DCDC2B: variants seen among roughly 807,000 people sequenced by gnomAD.
DCDC2B encodes doublecortin domain-containing protein 2B.
Under a neutral mutation model 38.9 loss-of-function variants are expected in DCDC2B, and 41 were observed. That is an observed-to-expected ratio of 1.05 (90% CI 0.82 to 1.37). The LOEUF (loss-of-function observed/expected upper bound fraction) is 1.37, where lower values mean the gene tolerates loss of function less well. DCDC2B is among the 40% of genes most tolerant of loss of function. The probability of loss-of-function intolerance (pLI) is 0.00; values close to 1 mark genes in which losing one functional copy is unlikely to be tolerated. For synonymous variants in DCDC2B, 181 were observed against 171.9 expected, an observed-to-expected ratio of 1.05 and a Z score of -0.41; for missense variants, 453 against 427.2, an observed-to-expected ratio of 1.06 and a Z score of -0.53.
chr1:32,215,170 A>G, intron 7 of DCDC2B: 1 of 621,996 alleles, frequency 1.6e-6, no homozygotes, highest in South Asian at 2.3e-5. Context: ...CCCCGTCTGT[A>G]TATCCTGTCC....
At chr1:32,213,873 C>A (rs1462587368) in intron 6 of DCDC2B, among the ~76,000 whole-genome samples, 2 of 151,378 alleles carry the variant, frequency 1.3e-5, no homozygotes, top group African/African-American at 2.4e-5. Context: ...TCAGGCTGGT[C>A]TCAAACTCCC....
chr1:32,212,858 G>C lies in DCDC2B; in HGVS notation c.714+65G>C, dbSNP rs376469947. 13 of 1,562,488 alleles carry C rather than the reference G, an allele frequency of 8.3e-6. No homozygotes were observed. The African/African-American group carries it at 1.4e-4, about 16-fold the overall frequency. On this transcript the variant is annotated intron_variant, in intron 6 of 8. Coordinates refer to ENST00000409358, the MANE Select transcript of DCDC2B (RefSeq NM_001099434.2). ...GAGTGACTGGCTGACAACTCTTCTG[G>C]CACAGGCTCTGACCTTATTTCACTG...
intron 2 of DCDC2B, 104 bp downstream of exon 2, chr1:32,211,427 G>C (rs954151240): frequency 2.1e-5 from 25 of 1,175,762 alleles, no homozygotes; most frequent in Middle Eastern, 2.7e-4. Flanking sequence ...GGATCTGCCA[G>C]TTCCAGGGGG....
chr1:32,212,883 GCAT>G, intron 6 of DCDC2B, 90 bp downstream of exon 6: 1 of 1,419,870 alleles, frequency 7.0e-7, no homozygotes, highest in Non-Finnish European at 9.8e-7. Flanking sequence ...TTATTTCACT[GCAT>G]CCTCTCTTTT....
At position 32,212,201 on chromosome 1, in the gene DCDC2B, AG is replaced by A. The variant is rs1192131447; in HGVS notation, c.527+1del. 1.9e-6 allele frequency: 3 copies of A among 1,612,800 alleles called. No individual in the cohort carries two copies. Among genetic ancestry groups the A allele is most frequent in the East Asian group, 4.5e-5 (2 of 44,872 alleles). ...AAGTTGCAGAGTGGGGCTGTGTGCAAGTGAGTATGGGGACTGCGAGGGCCCA... is the reference window on the plus strand; with the variant it reads ...AAGTTGCAGAGTGGGGCTGTGTGCAATGAGTATGGGGACTGCGAGGGCCCA... On this transcript the variant is annotated splice_donor_variant, in intron 4 of 8. Coordinates refer to ENST00000409358, the MANE Select transcript of DCDC2B (RefSeq NM_001099434.2). LOFTEE classifies it high-confidence loss of function.
chr1:32,215,228 A>C (rs1312115159), intron 7 of DCDC2B: 2 of 569,352 alleles, frequency 3.5e-6, no homozygotes, highest in East Asian at 3.0e-5. Context: ...TGGAAAGGGC[A>C]GTGCTTAAAG....
At chr1:32,212,047 C>G in intron 3 of DCDC2B, 23 bp from the exon 4 acceptor site, 6 of 1,605,756 alleles carry the variant, frequency 3.7e-6, no homozygotes, top group Non-Finnish European at 5.1e-6. Context: ...GGACACTCCC[C>G]CTTACCAGGC....
intron 4 of DCDC2B, 33 bp downstream of exon 4, chr1:32,212,234 C>T (rs977582135): frequency 8.1e-6 from 13 of 1,601,808 alleles, no homozygotes; most frequent in East Asian, 2.2e-5. Flanking sequence ...CCCAAAAGTC[C>T]CCAAAGAGAG....
chr1:32,213,539 C>T (rs552394075), intron 6 of DCDC2B, among the ~76,000 whole-genome samples: 43 of 131,488 alleles, frequency 3.3e-4, no homozygotes, highest in South Asian at 1.5e-3. Flanking sequence ...GATGGAGTCT[C>T]GCTCTGTTGC....
intron 3 of DCDC2B, 63 bp downstream of exon 3, chr1:32,211,900 T>G: frequency 1.3e-6 from 2 of 1,557,648 alleles, no homozygotes; most frequent in South Asian, 2.4e-5. Context: ...AAGAAAATGG[T>G]GTTGGGTTTG....
Position 32,214,879 on chromosome 1 carries a change from C to G in DCDC2B, c.797C>G (p.Pro266Arg). The change falls in exon 7 of 9, where the codon CCC (proline) becomes CGC (arginine). Residue 266 changes from proline to arginine, a missense_variant. By Grantham distance (103) the Pro-to-Arg change is moderately radical (BLOSUM62 -2). Coordinates refer to ENST00000409358, the MANE Select transcript of DCDC2B (RefSeq NM_001099434.2). Reference sequence around the variant, plus strand: ...AAGCCATCTGCTTTCTATGCCAGACCCCAGCAGACCATTCAGCCAAGAAGC... The same window carrying G: ...AAGCCATCTGCTTTCTATGCCAGACGCCAGCAGACCATTCAGCCAAGAAGC... The part of the protein sequence containing the change: ...RIKPSAFYAR[P>R]QQTIQPRSKL... 6 of 1,613,914 alleles carry G rather than the reference C, an allele frequency of 3.7e-6. No individual in the cohort carries two copies. Among genetic ancestry groups the G allele is most frequent in the Non-Finnish European group, 5.1e-6 (6 of 1,179,884 alleles).
chr1:32,211,636 T>C (rs1643588872), intron 2 of DCDC2B, 125 bp from the exon 3 acceptor site: 1 of 933,466 alleles, frequency 1.1e-6, no homozygotes, highest in Admixed American at 2.2e-5. Flanking sequence ...GTAAACTGTC[T>C]TACTCCTCCT....
chr1:32,213,498 G>A (rs1205426592), intron 6 of DCDC2B, among the ~76,000 whole-genome samples: 9 of 149,466 alleles, frequency 6.0e-5, no homozygotes, highest in Admixed American at 5.3e-4. Context: ...CACCACACCC[G>A]GCTAATTTTT....
chr1:32,214,179 G>A (rs547251061), intron 6 of DCDC2B, among the ~76,000 whole-genome samples: 363 of 151,996 alleles, frequency 2.4e-3, no homozygotes, highest in Admixed American at 4.6e-3. Context: ...GGGCATGGTG[G>A]TGGGTGCTTG....
chr1:32,212,531 A>T lies in DCDC2B; in HGVS notation c.569A>T (p.Glu190Val). The T allele has an allele frequency of 6.2e-7, 1 of 1,614,012 alleles. No homozygotes were observed. The highest frequency in any genetic ancestry group is 1.3e-5 in the African/African-American group (1 of 75,032). Reference sequence around the variant, plus strand: ...GGGCTCCCACTGTCAGCAGGGAAGGAGCTGGTAACTGGCCATTACTATGTG... The same window carrying T: ...GGGCTCCCACTGTCAGCAGGGAAGGTGCTGGTAACTGGCCATTACTATGTG... ...LEGLPLSAGKELVTGHYYVAV... is the reference protein window; with the variant it reads ...LEGLPLSAGKVLVTGHYYVAV... Residue 190 changes from glutamate (E) to valine (V), a missense_variant, in exon 5 of 9, where the codon GAG becomes GTG. Transcript: ENST00000409358.
At chr1:32,214,762 G>A in intron 6 of DCDC2B, 35 bp from the exon 7 acceptor site, 4 of 1,612,070 alleles carry the variant, frequency 2.5e-6, no homozygotes, top group Non-Finnish European at 2.5e-6. Context: ...AGAATGGCCA[G>A]CAATCAGGGT....
Position 32,216,003 on chromosome 1 carries a change from CAG to C in DCDC2B, c.*107_*108del. On this transcript the variant is annotated 3_prime_UTR_variant, in exon 9 of 9. Transcript: ENST00000409358. ...GGAGCCAGCACCTCCGCTGGGCTCA[CAG>C]GGTACACTGCGGCCTCCTCAGCCCT... 7 of 978,884 alleles carry C rather than the reference CAG, an allele frequency of 7.2e-6. No homozygotes were observed. Among genetic ancestry groups the C allele is most frequent in the Non-Finnish European group, 1.1e-5 (7 of 639,508 alleles). The allele number at this position is 978,884 out of a possible 1,614,324, so 60.6% of individuals were successfully genotyped here. A position where few individuals can be genotyped will look rare whatever the true frequency, so the allele number is the denominator to read the frequency against.
Position 32,212,516 on chromosome 1 carries a change from T to C in DCDC2B, c.554T>C (p.Leu185Pro). 6.2e-7 allele frequency: 1 copy of C among 1,614,048 alleles called. No homozygotes were observed. The highest frequency in any genetic ancestry group is 8.5e-7 in the Non-Finnish European group (1 of 1,179,886). Residue 185 changes from leucine to proline, a missense_variant, in exon 5 of 9, where the codon CTG becomes CCG. Leu to Pro is a moderately conservative substitution (Grantham distance 98). Coordinates refer to ENST00000409358, the MANE Select transcript of DCDC2B (RefSeq NM_001099434.2). ...CTCTGCACCCTAGAGGGGCTCCCAC[T>C]GTCAGCAGGGAAGGAGCTGGTAACT... is the stretch of plus-strand genomic sequence containing the variant. ...CKLCTLEGLP[L>P]SAGKELVTGH... is the part of the protein sequence containing the mutation.
chr1:32,212,358 G>C (rs1257721986), intron 4 of DCDC2B, 132 bp from the exon 5 acceptor site: 55 of 1,519,622 alleles, frequency 3.6e-5, no homozygotes, highest in Non-Finnish European at 4.6e-5. Context: ...CCAGCCCTCA[G>C]AGGCAGGGTA....
Sources: gnomAD v4.1 joint callset for allele counts (sites outside exome capture counted in the v4.1 genomes callset) on GRCh38, gnomAD v4.1.1 for gene constraint, MANE v1.5 for transcripts, NCBI Gene and HGNC (gene_info 2026-07-23, HGNC 2026-07-21) for gene names.